The following PTTG1IP variants were observed in gnomAD, a reference collection of about 807,000 sequenced individuals.
The protein encoded by PTTG1IP is pituitary tumor-transforming gene 1 protein-interacting protein.
Under a neutral mutation model 24.4 loss-of-function variants are expected in PTTG1IP, and 16 were observed. The observed-to-expected ratio is 0.66, with a 90% CI of 0.44 to 1.00. PTTG1IP has a LOEUF of 1.00. PTTG1IP is among the 50% of genes least tolerant of loss of function. The pLI is 0.00. For synonymous variants in PTTG1IP, 89 were observed against 96.8 expected, an observed-to-expected ratio of 0.92 and a Z score of 0.47; for missense variants, 241 against 245.8, an observed-to-expected ratio of 0.98 and a Z score of 0.13.
intron 1 of PTTG1IP, chr21:44,865,721 G>A (rs1569326110): frequency 1.8e-6 from 1 of 561,458 alleles, no homozygotes; most frequent in Non-Finnish European, 3.2e-6. Context: ...AGAGAAGAGT[G>A]CCAACACAGA....
rs1325196034 is a variant in PTTG1IP, at chr21:44,849,666, AG to A, written c.*1914del. The A allele has an allele frequency of 6.6e-6, 1 of 152,622 alleles. No homozygotes were observed. The highest frequency in any genetic ancestry group is 6.5e-5 in the Admixed American group (1 of 15,282). The allele number at this position is 152,622 out of a possible 1,614,324, so 9.5% of individuals were successfully genotyped here. A position where few individuals can be genotyped will look rare whatever the true frequency, so the allele number is the denominator to read the frequency against. The stretch of plus-strand genomic sequence containing the variant: ...CACTCCAAGCTTTATGGTTTCCTTG[AG>A]GTTACAGTTTTGTGGCTGCTCTTAG... On this transcript the variant is annotated 3_prime_UTR_variant, in exon 6 of 6. Transcript: ENST00000330938.
chr21:44,870,883 T>C (rs559936299), intron 1 of PTTG1IP, among the ~76,000 whole-genome samples: 11 of 152,380 alleles, frequency 7.2e-5, no homozygotes, highest in African/African-American at 2.6e-4. Context: ...TTTGAGTGCT[T>C]TCCTGAAGTT....
chr21:44,871,861 T>G (rs1274641986), intron 1 of PTTG1IP, among the ~76,000 whole-genome samples: 1 of 152,200 alleles, frequency 6.6e-6, no homozygotes, highest in African/African-American at 2.4e-5. Context: ...CCACCAGGAC[T>G]TGGTGATTAC....
chr21:44,857,130 T>TA (rs966047189), intron 3 of PTTG1IP, among the ~76,000 whole-genome samples: 37 of 152,148 alleles, frequency 2.4e-4, no homozygotes, highest in Non-Finnish European at 5.1e-4. Context: ...CAGAGGCAAT[T>TA]AAAAAATACC....
chr21:44,865,126 G>A (rs1228595254), intron 2 of PTTG1IP, among the ~76,000 whole-genome samples: 1 of 152,234 alleles, frequency 6.6e-6, no homozygotes, highest in Non-Finnish European at 1.5e-5. Flanking sequence ...TCGTTAGGAA[G>A]ACTGGCCACG....
At chr21:44,858,129 T>G (rs2083462442) in intron 3 of PTTG1IP, among the ~76,000 whole-genome samples, 1 of 152,194 alleles carries the variant, frequency 6.6e-6, no homozygotes, top group Non-Finnish European at 1.5e-5. Flanking sequence ...CCAAAGGATG[T>G]GGGAGAGGCC....
chr21:44,873,643 TG>T lies in PTTG1IP; in HGVS notation c.-28del. The T allele has an allele frequency of 7.2e-7, 1 of 1,384,892 alleles. No individual in the cohort carries two copies. The allele number at this position is 1,384,892 out of a possible 1,614,324, so 85.8% of individuals were successfully genotyped here. A position where few individuals can be genotyped will look rare whatever the true frequency, so the allele number is the denominator to read the frequency against. ...GTCGGCCGGTCGCTCTATCAGTCAGTGGAGCGTTACAACTCCGACTCCAGCA... is the reference window on the plus strand; with the variant it reads ...GTCGGCCGGTCGCTCTATCAGTCAGTGAGCGTTACAACTCCGACTCCAGCA... On this transcript the variant is annotated 5_prime_UTR_variant, in exon 1 of 6. Coordinates refer to ENST00000330938, the MANE Select transcript of PTTG1IP (RefSeq NM_004339.4).
intron 5 of PTTG1IP, among the ~76,000 whole-genome samples, chr21:44,854,799 G>A (rs1315356465): frequency 1.3e-5 from 2 of 152,202 alleles, no homozygotes; most frequent in South Asian, 2.1e-4. Context: ...GTGCTTGGAA[G>A]GAGCGCCTGC....
intron 4 of PTTG1IP, among the ~76,000 whole-genome samples, 162 bp downstream of exon 4, chr21:44,856,031 T>C (rs1209794318): frequency 6.6e-6 from 1 of 152,220 alleles, no homozygotes; most frequent in Non-Finnish European, 1.5e-5. Context: ...CATCACAGTC[T>C]CTCGCTCTCT....
At position 44,861,209 on chromosome 21, in the gene PTTG1IP, C is replaced by T. The variant is rs768565617; in HGVS notation, c.231G>A (p.Pro77=). 2.0e-5 allele frequency: 33 copies of T among 1,614,000 alleles called. No homozygotes were observed. The highest frequency in any genetic ancestry group is 2.7e-5 in the African/African-American group (2 of 74,924). The stretch of plus-strand genomic sequence containing the variant: ...CAGAGCTCAATTTACAAAGGGAAGC[C>T]GGTGGCAAGACGCTTGTAACTGGGT... ...LDYPVTSVLP[P]ASLCKLSSAR... is the part of the protein sequence containing the mutation. The change falls in exon 3 of 6, where the codon CCG becomes CCA. Residue 77 remains proline, a synonymous_variant. Transcript: ENST00000330938.
At chr21:44,857,770 T>C (rs1307717723) in intron 3 of PTTG1IP, among the ~76,000 whole-genome samples, 1 of 152,256 alleles carries the variant, frequency 6.6e-6, no homozygotes, top group Non-Finnish European at 1.5e-5. Flanking sequence ...TTAAAATAGT[T>C]TGAAAATCAG....
intron 1 of PTTG1IP, chr21:44,865,939 C>G (rs190675376): frequency 1.4e-5 from 3 of 216,646 alleles, no homozygotes; most frequent in Non-Finnish European, 2.8e-5. Flanking sequence ...TGTGACAAAG[C>G]AAGGTCTTAG....
At chr21:44,860,961 G>A (rs765472055) in intron 3 of PTTG1IP, among the ~76,000 whole-genome samples, 4 of 151,928 alleles carry the variant, frequency 2.6e-5, no homozygotes, top group Non-Finnish European at 5.9e-5. Context: ...ATGCCACCAC[G>A]CCCACCTAAT....
intron 2 of PTTG1IP, chr21:44,861,936 G>A (rs766789022): frequency 1.4e-6 from 1 of 693,026 alleles, no homozygotes; most frequent in Admixed American, 2.0e-5. Flanking sequence ...ACTGCACTAA[G>A]TCGCACAGCT....
intron 1 of PTTG1IP, among the ~76,000 whole-genome samples, chr21:44,868,458 T>C (rs1303247895): frequency 1.3e-5 from 2 of 152,166 alleles, no homozygotes; most frequent in African/African-American, 4.8e-5. Flanking sequence ...GCAGGGCTCC[T>C]CGGAGAAATG....
intron 3 of PTTG1IP, among the ~76,000 whole-genome samples, chr21:44,860,225 C>T (rs66506615): frequency 0.11 from 16,192 of 152,006 alleles, 1,366 homozygotes; most frequent in East Asian, 0.39. Context: ...AGAAATTAGC[C>T]GGACGTGGTG....
At chr21:44,872,286 C>T (rs776279108) in intron 1 of PTTG1IP, among the ~76,000 whole-genome samples, 7 of 152,194 alleles carry the variant, frequency 4.6e-5, no homozygotes, top group Non-Finnish European at 1.0e-4. Flanking sequence ...CGTCACAAAC[C>T]CTAAGCACAC....
chr21:44,855,003 A>G (rs1219591480), intron 5 of PTTG1IP, among the ~76,000 whole-genome samples: 1 of 152,226 alleles, frequency 6.6e-6, no homozygotes, highest in East Asian at 1.9e-4. Context: ...CATGAAGACG[A>G]CTGGCTGAGA....
At chr21:44,858,542 C>A (rs1009337750) in intron 3 of PTTG1IP, among the ~76,000 whole-genome samples, 4 of 152,192 alleles carry the variant, frequency 2.6e-5, no homozygotes, top group Non-Finnish European at 5.9e-5. Flanking sequence ...CCAAACAAGC[C>A]CATCGCACCC....
Sources: allele counts gnomAD v4.1 joint callset (sites outside exome capture counted in the v4.1 genomes callset), GRCh38; gene constraint gnomAD v4.1.1; transcripts MANE v1.5; gene names NCBI Gene and HGNC (gene_info 2026-07-23, HGNC 2026-07-21).